RARB: variants seen among roughly 807,000 people sequenced by gnomAD.
RARB encodes retinoic acid receptor beta.
RARB carries 17 observed loss-of-function variants against 51.9 expected under a neutral mutation model. That is an observed-to-expected ratio of 0.33 (90% confidence interval 0.22 to 0.49). The LOEUF (loss-of-function observed/expected upper bound fraction) is 0.49, where lower values mean the gene tolerates loss of function less well. Among genes scored for constraint, RARB ranks in the 20% least tolerant of loss-of-function variants. The probability of loss-of-function intolerance (pLI) is 0.99; values close to 1 mark genes in which losing one functional copy is unlikely to be tolerated. For missense variants in RARB, 369 were observed against 550.8 expected, an observed-to-expected ratio of 0.67 and a Z score of 3.30; for synonymous variants, 215 against 195.4, an observed-to-expected ratio of 1.10 and a Z score of -0.84.
intron 5 of RARB, among the ~76,000 whole-genome samples, chr3:25,413,352 A>G (rs1348320055): frequency 1.3e-5 from 2 of 152,216 alleles, no homozygotes; most frequent in Non-Finnish European, 1.5e-5. Context: ...GTGTGAATAT[A>G]TCACATTTTT....
At chr3:24,925,845 A>G (rs554693982) in intron 2 of RARB, among the ~76,000 whole-genome samples, 3 of 152,082 alleles carry the variant, frequency 2.0e-5, no homozygotes, top group African/African-American at 7.2e-5. Flanking sequence ...CTATAATCTC[A>G]TCCCAATTTT....
At chr3:25,267,248 G>A (rs1316678571) in intron 5 of RARB, among the ~76,000 whole-genome samples, 1 of 152,144 alleles carries the variant, frequency 6.6e-6, no homozygotes, top group Non-Finnish European at 1.5e-5. Context: ...ACTTTATTTA[G>A]AGAGTATATC....
At chr3:25,248,286 G>A (rs1015037370) in intron 5 of RARB, among the ~76,000 whole-genome samples, 3 of 152,066 alleles carry the variant, frequency 2.0e-5, no homozygotes, top group Non-Finnish European at 4.4e-5. Context: ...TTTCTTGTAA[G>A]CAGCATATAG....
At chr3:25,095,364 A>C (rs1372748205) in intron 3 of RARB, among the ~76,000 whole-genome samples, 1 of 152,172 alleles carries the variant, frequency 6.6e-6, no homozygotes, top group Non-Finnish European at 1.5e-5. Flanking sequence ...CATCAGCACC[A>C]TCTGGGAACT....
At chr3:25,419,219 G>A (rs1286309921) in intron 5 of RARB, among the ~76,000 whole-genome samples, 3 of 152,090 alleles carry the variant, frequency 2.0e-5, no homozygotes, top group Non-Finnish European at 4.4e-5. Context: ...ATGTATACAG[G>A]GAGGGCATCT....
chr3:25,212,483 TG>T (rs1701721716), intron 5 of RARB, among the ~76,000 whole-genome samples: 1 of 152,130 alleles, frequency 6.6e-6, no homozygotes, highest in African/African-American at 2.4e-5. Flanking sequence ...CCAAGCATGG[TG>T]GCACATGCCT....
chr3:24,957,022 G>A (rs1479160262), intron 2 of RARB, among the ~76,000 whole-genome samples: 1 of 152,142 alleles, frequency 6.6e-6, no homozygotes, highest in Non-Finnish European at 1.5e-5. Context: ...TCTGTATTTC[G>A]TACCAATCAA....
intron 2 of RARB, among the ~76,000 whole-genome samples, chr3:24,991,287 A>C (rs1696903937): frequency 6.6e-6 from 1 of 152,170 alleles, no homozygotes; most frequent in Non-Finnish European, 1.5e-5. Flanking sequence ...TTAAAAATAC[A>C]AAACAATTAG....
chr3:25,207,224 T>A (rs946135732), intron 5 of RARB, among the ~76,000 whole-genome samples: 5 of 152,192 alleles, frequency 3.3e-5, no homozygotes, highest in Non-Finnish European at 5.9e-5. Flanking sequence ...CCAACTCAGA[T>A]CTACTAAGCA....
chr3:25,003,673 C>A (rs1449232734), intron 2 of RARB, among the ~76,000 whole-genome samples: 1 of 151,946 alleles, frequency 6.6e-6, no homozygotes, highest in Non-Finnish European at 1.5e-5. Context: ...TAATTACTTA[C>A]AATAAAATAT....
At chr3:25,356,940 G>A (rs1705760577) in intron 5 of RARB, among the ~76,000 whole-genome samples, 1 of 152,160 alleles carries the variant, frequency 6.6e-6, no homozygotes, top group African/African-American at 2.4e-5. Flanking sequence ...TTGGTTCCAA[G>A]TCTTTGCTAT....
chr3:25,519,282 A>T (rs113013298), intron 3 of RARB, among the ~76,000 whole-genome samples: 6,925 of 151,766 alleles, frequency 0.046, 184 homozygotes, highest in Middle Eastern at 0.068. Flanking sequence ...CCGGGTATAG[A>T]CCTAAGAGTG....
chr3:24,938,385 C>T (rs1695589338), intron 2 of RARB, among the ~76,000 whole-genome samples: 1 of 152,036 alleles, frequency 6.6e-6, no homozygotes, highest in Non-Finnish European at 1.5e-5. Flanking sequence ...AGCCATGTTC[C>T]CATTTTAGGG....
At chr3:25,325,567 G>T (rs1559357992) in intron 5 of RARB, among the ~76,000 whole-genome samples, 2 of 150,326 alleles carry the variant, frequency 1.3e-5, no homozygotes, top group African/African-American at 4.9e-5. Flanking sequence ...ATTTTGTGGG[G>T]GTTTTTTTTT....
At chr3:24,997,383 T>C (rs1234879067) in intron 2 of RARB, among the ~76,000 whole-genome samples, 2 of 145,824 alleles carry the variant, frequency 1.4e-5, no homozygotes, top group African/African-American at 5.0e-5. Context: ...AAGTTGGGTC[T>C]TTTTTTTTTT....
chr3:25,339,038 A>C (rs1466477831), intron 5 of RARB, among the ~76,000 whole-genome samples: 1 of 152,226 alleles, frequency 6.6e-6, no homozygotes, highest in Non-Finnish European at 1.5e-5. Context: ...TAAAACTTGC[A>C]CTTGAAAGGT....
intron 3 of RARB, among the ~76,000 whole-genome samples, chr3:25,531,723 T>TA (rs5847361): frequency 0.016 from 2,176 of 134,490 alleles, 22 homozygotes; most frequent in Admixed American, 0.019. Flanking sequence ...ATAGACACTT[T>TA]AAAAAAAAAA....
chr3:25,306,744 G>A (rs1196160257), intron 5 of RARB, among the ~76,000 whole-genome samples: 1 of 152,182 alleles, frequency 6.6e-6, no homozygotes, highest in Non-Finnish European at 1.5e-5. Context: ...AAACATAGTT[G>A]GAAAGAATGT....
chr3:24,839,581 A>G (rs1032031054), intron 1 of RARB, among the ~76,000 whole-genome samples: 50 of 150,436 alleles, frequency 3.3e-4, no homozygotes, highest in African/African-American at 1.2e-3. Flanking sequence ...GGCGGTGCAC[A>G]TCTGTGGTCC....
Sources: gnomAD v4.1 joint callset for allele counts (sites outside exome capture counted in the v4.1 genomes callset) on GRCh38, gnomAD v4.1.1 for gene constraint, MANE v1.5 for transcripts, NCBI Gene and HGNC (gene_info 2026-07-23, HGNC 2026-07-21) for gene names.